CACNA2D3: variants seen among roughly 807,000 people sequenced by gnomAD.
The protein encoded by CACNA2D3 is calcium voltage-gated channel auxiliary subunit alpha2delta 3.
A neutral mutation model predicts 160.6 loss-of-function variants in CACNA2D3; 60 were observed. That is an observed-to-expected ratio of 0.37 (90% CI 0.30 to 0.46). The LOEUF is 0.46. CACNA2D3 is among the 20% of genes least tolerant of loss of function. The pLI, the probability that CACNA2D3 is intolerant of heterozygous loss-of-function variation, is 1.00. For synonymous variants in CACNA2D3, 558 were observed against 492.9 expected (o/e 1.13, Z -1.75); for missense variants, 1,205 against 1,365.0 (o/e 0.88, Z 1.85).
intron 11 of CACNA2D3, among the ~76,000 whole-genome samples, chr3:54,646,361 G>C (rs1314984798): frequency 6.6e-6 from 1 of 151,700 alleles, no homozygotes; most frequent in East Asian, 1.9e-4. Flanking sequence ...TGTTACCCAG[G>C]TATTAAGCCC....
intron 35 of CACNA2D3, among the ~76,000 whole-genome samples, chr3:55,060,430 C>T (rs2107219846): frequency 6.6e-6 from 1 of 152,248 alleles, no homozygotes; most frequent in South Asian, 2.1e-4. Context: ...AGGTTAGCAT[C>T]AAGCAGGTCT....
intron 31 of CACNA2D3, among the ~76,000 whole-genome samples, chr3:54,998,173 T>A (rs1026567531): frequency 6.9e-6 from 1 of 145,126 alleles, no homozygotes; most frequent in Non-Finnish European, 1.5e-5. Flanking sequence ...CTATTGCCCA[T>A]GCCCAGGCTG....
intron 10 of CACNA2D3, among the ~76,000 whole-genome samples, chr3:54,629,521 C>G (rs1033566048): frequency 6.6e-6 from 1 of 152,168 alleles, no homozygotes; most frequent in African/African-American, 2.4e-5. Context: ...AAGTCAACTT[C>G]CTCAGTACAA....
At chr3:54,532,593 G>T (rs1378834469) in intron 5 of CACNA2D3, among the ~76,000 whole-genome samples, 1 of 152,100 alleles carries the variant, frequency 6.6e-6, no homozygotes. Flanking sequence ...GAAGATAATG[G>T]CCTCTAGTTC....
intron 14 of CACNA2D3, among the ~76,000 whole-genome samples, chr3:54,823,509 G>C (rs1703686542): frequency 6.6e-6 from 1 of 151,986 alleles, no homozygotes; most frequent in South Asian, 2.1e-4. Flanking sequence ...CTCTTTTGCA[G>C]AATCTAGCCT....
At chr3:54,158,989 C>CT (rs1700293673) in intron 2 of CACNA2D3, among the ~76,000 whole-genome samples, 1 of 152,178 alleles carries the variant, frequency 6.6e-6, no homozygotes, top group Non-Finnish European at 1.5e-5. Flanking sequence ...GAAGAAGCCT[C>CT]TAAGAGTCAC....
At chr3:54,980,735 G>A (rs1316987508) in intron 29 of CACNA2D3, among the ~76,000 whole-genome samples, 1 of 152,158 alleles carries the variant, frequency 6.6e-6, no homozygotes, top group Non-Finnish European at 1.5e-5. Context: ...GTCTAATGCT[G>A]CAAAATAGGT....
rs368432951 is a variant in CACNA2D3 at position 54,280,711 on chromosome 3, T to G, written c.205-39731T>G. Among the ~76,000 whole-genome samples, 39 of 152,314 alleles carry G rather than the reference T, an allele frequency of 2.6e-4. No homozygotes were observed. The East Asian group carries it at 4.1e-3, about 16-fold the overall frequency. On this transcript the variant is annotated intron_variant, in intron 2 of 37. Transcript: ENST00000474759. ...CCCTTCCCGACTCTGTTCTCTCTTG[T>G]GCCCTTTGATCTCTTGCCTTTGAGC...
At chr3:55,058,096 T>A (rs776987615) in intron 35 of CACNA2D3, among the ~76,000 whole-genome samples, 18 of 152,226 alleles carry the variant, frequency 1.2e-4, no homozygotes, top group Non-Finnish European at 2.4e-4. Context: ...GCTATAGGTC[T>A]CTACCACGGT....
intron 13 of CACNA2D3, among the ~76,000 whole-genome samples, chr3:54,765,447 G>C (rs1702206121): frequency 6.6e-6 from 1 of 152,192 alleles, no homozygotes; most frequent in Non-Finnish European, 1.5e-5. Flanking sequence ...GGGAGACCAT[G>C]AGCTTTTATC....
chr3:54,859,399 G>C (rs1453975323), intron 17 of CACNA2D3, among the ~76,000 whole-genome samples: 1 of 152,104 alleles, frequency 6.6e-6, no homozygotes, highest in Non-Finnish European at 1.5e-5. Context: ...CATCTCCCAG[G>C]TGCCATTTTT....
At chr3:54,314,551 C>T (rs1703820109) in intron 2 of CACNA2D3, among the ~76,000 whole-genome samples, 1 of 152,206 alleles carries the variant, frequency 6.6e-6, no homozygotes, top group Non-Finnish European at 1.5e-5. Flanking sequence ...CTTTTTACCA[C>T]ATCCACACCA....
intron 35 of CACNA2D3, among the ~76,000 whole-genome samples, chr3:55,029,609 T>C (rs1703647014): frequency 6.6e-6 from 1 of 152,028 alleles, no homozygotes; most frequent in South Asian, 2.1e-4. Context: ...CTCGATAAAA[T>C]AGCTCTTGGA....
intron 2 of CACNA2D3, among the ~76,000 whole-genome samples, chr3:54,271,361 T>C (rs566214643): frequency 6.6e-6 from 1 of 152,298 alleles, no homozygotes; most frequent in East Asian, 1.9e-4. Flanking sequence ...CCTTTTGACA[T>C]GGCCCTCCAG....
At chr3:54,696,038 G>T (rs113456170) in intron 11 of CACNA2D3, among the ~76,000 whole-genome samples, 23 of 152,112 alleles carry the variant, frequency 1.5e-4, no homozygotes, top group African/African-American at 5.1e-4. Context: ...GTCTCCCCCA[G>T]TGTGGTCCTA....
intron 2 of CACNA2D3, among the ~76,000 whole-genome samples, chr3:54,229,156 C>T (rs751134877): frequency 9.9e-5 from 15 of 152,014 alleles, no homozygotes; most frequent in Non-Finnish European, 2.1e-4. Flanking sequence ...CTCAAGGGCT[C>T]CTGGTTTCTA....
chr3:54,415,138 C>A (rs1699734473), intron 4 of CACNA2D3, among the ~76,000 whole-genome samples: 1 of 152,050 alleles, frequency 6.6e-6, no homozygotes, highest in South Asian at 2.1e-4. Flanking sequence ...AGTACATTTC[C>A]ATAAAACTTA....
chr3:54,723,435 G>C (rs1304469559), intron 11 of CACNA2D3, among the ~76,000 whole-genome samples: 1 of 152,166 alleles, frequency 6.6e-6, no homozygotes, highest in Non-Finnish European at 1.5e-5. Context: ...GGCGCCACTG[G>C]GGTATGGAAA....
intron 35 of CACNA2D3, among the ~76,000 whole-genome samples, chr3:55,057,207 G>C (rs571849165): frequency 1.3e-5 from 2 of 152,164 alleles, no homozygotes; most frequent in Non-Finnish European, 2.9e-5. Flanking sequence ...CCCCAGCCAC[G>C]TGGAACCGTG....
Sources: allele counts gnomAD v4.1 joint callset (sites outside exome capture counted in the v4.1 genomes callset), GRCh38; gene constraint gnomAD v4.1.1; transcripts MANE v1.5; gene names NCBI Gene and HGNC (gene_info 2026-07-23, HGNC 2026-07-21).